MAP2K5: variants seen among roughly 807,000 people sequenced by gnomAD.
The protein encoded by MAP2K5 is mitogen-activated protein kinase kinase 5.
MAP2K5 carries 49 observed loss-of-function variants against 83.1 expected under a neutral mutation model. The observed-to-expected ratio is 0.59, with a 90% confidence interval of 0.47 to 0.75. MAP2K5 has a LOEUF of 0.75. Ranked by LOEUF, MAP2K5 falls within the 30% of genes least tolerant of loss-of-function variation. The pLI, the probability that MAP2K5 is intolerant of heterozygous loss-of-function variation, is 0.00. For synonymous variants in MAP2K5, 202 were observed against 191.8 expected, an observed-to-expected ratio of 1.05 and a Z score of -0.44; for missense variants, 457 against 557.5, an observed-to-expected ratio of 0.82 and a Z score of 1.82.
At chr15:67,799,276 C>T (rs2090660750) in intron 21 of MAP2K5, among the ~76,000 whole-genome samples, 1 of 152,278 alleles carries the variant, frequency 6.6e-6, no homozygotes, top group Non-Finnish European at 1.5e-5. Flanking sequence ...CCCAGGTATG[C>T]TCGCTATGTG....
chr15:67,614,180 C>G (rs753875781), intron 8 of MAP2K5, among the ~76,000 whole-genome samples: 1 of 152,128 alleles, frequency 6.6e-6, no homozygotes, highest in African/African-American at 2.4e-5. Flanking sequence ...AATCGTGAAG[C>G]ATTCAGTAAC....
At chr15:67,771,999 A>G (rs952070851) in intron 20 of MAP2K5, among the ~76,000 whole-genome samples, 2 of 152,212 alleles carry the variant, frequency 1.3e-5, no homozygotes, top group African/African-American at 2.4e-5. Flanking sequence ...ATAGCTAAGT[A>G]CATGTTACAG....
At chr15:67,706,419 C>T (rs559176268) in intron 16 of MAP2K5, among the ~76,000 whole-genome samples, 6 of 152,206 alleles carry the variant, frequency 3.9e-5, no homozygotes, top group Admixed American at 2.6e-4. Flanking sequence ...GTGTGGGACA[C>T]CTGAATGCTG....
intron 6 of MAP2K5, among the ~76,000 whole-genome samples, chr15:67,590,539 G>A (rs969877401): frequency 1.4e-5 from 2 of 148,110 alleles, no homozygotes; most frequent in African/African-American, 5.0e-5. Flanking sequence ...GCACAATTAC[G>A]GGTCACCACA....
chr15:67,589,178 T>G (rs1222004690), intron 6 of MAP2K5, among the ~76,000 whole-genome samples: 3 of 152,078 alleles, frequency 2.0e-5, no homozygotes, highest in African/African-American at 7.2e-5. Context: ...TTGGATAGCT[T>G]AGGTCACCGT....
chr15:67,684,643 C>T (rs1057008844), intron 13 of MAP2K5, among the ~76,000 whole-genome samples: 1 of 152,052 alleles, frequency 6.6e-6, no homozygotes, highest in African/African-American at 2.4e-5. Context: ...TGCCCCCCTC[C>T]CACACACACA....
chr15:67,685,589 G>C (rs925791052), intron 13 of MAP2K5, among the ~76,000 whole-genome samples: 1 of 152,050 alleles, frequency 6.6e-6, no homozygotes, highest in Non-Finnish European at 1.5e-5. Flanking sequence ...GAAAAATAAA[G>C]ACATTATATT....
chr15:67,663,266 A>G (rs1386404080), intron 12 of MAP2K5, among the ~76,000 whole-genome samples: 1 of 152,188 alleles, frequency 6.6e-6, no homozygotes, highest in Non-Finnish European at 1.5e-5. Context: ...CAATTGTCCA[A>G]TAATACCCTG....
chr15:67,714,426 A>G, intron 16 of MAP2K5, among the ~76,000 whole-genome samples: 1 of 82,536 alleles, frequency 1.2e-5, no homozygotes, highest in Non-Finnish European at 2.2e-5. Flanking sequence ...AAAAAAAAAA[A>G]AAAAAAAAAA....
At chr15:67,590,803 A>G (rs1455116460) in intron 6 of MAP2K5, among the ~76,000 whole-genome samples, 1 of 152,114 alleles carries the variant, frequency 6.6e-6, no homozygotes, top group Non-Finnish European at 1.5e-5. Flanking sequence ...CTGCATTACT[A>G]CTACTGCCAC....
intron 8 of MAP2K5, among the ~76,000 whole-genome samples, chr15:67,606,960 G>T (rs1408047475): frequency 2.0e-5 from 3 of 152,190 alleles, no homozygotes; most frequent in Non-Finnish European, 4.4e-5. Flanking sequence ...ACCTGAAGGT[G>T]TGAAACTTAA....
chr15:67,757,644 C>T lies in MAP2K5; in HGVS notation c.1134+9043C>T, dbSNP rs2089866081. Among the ~76,000 whole-genome samples the T allele has an allele frequency of 6.6e-6, 1 of 152,142 alleles. No homozygotes were observed. The highest frequency in any genetic ancestry group is 2.1e-4 in the South Asian group (1 of 4,806). On this transcript the variant is annotated intron_variant, in intron 19 of 21. Coordinates refer to ENST00000178640, the MANE Select transcript of MAP2K5 (RefSeq NM_145160.3). This position sits in a 1 kb window ranked among gnomAD's most constrained non-coding sequence, Gnocchi z 4.9. Reference sequence around the variant, plus strand: ...ACCATTAAAGAGCAGCTACCCTAGTCAGGGAGGCAGACAAGTAAACAGTCA... The same window carrying T: ...ACCATTAAAGAGCAGCTACCCTAGTTAGGGAGGCAGACAAGTAAACAGTCA...
intron 17 of MAP2K5, among the ~76,000 whole-genome samples, chr15:67,741,052 A>C (rs2089480986): frequency 6.7e-6 from 1 of 150,282 alleles, no homozygotes; most frequent in Admixed American, 6.6e-5. Flanking sequence ...AAAAAAAGTG[A>C]ATGCACTTTT....
intron 8 of MAP2K5, among the ~76,000 whole-genome samples, chr15:67,611,372 G>A (rs894088466): frequency 3.3e-5 from 5 of 152,240 alleles, no homozygotes; most frequent in East Asian, 1.9e-4. Context: ...TTCTTTTGGA[G>A]GTAATTCTTA....
chr15:67,688,860 T>C (rs1177303124), intron 13 of MAP2K5, among the ~76,000 whole-genome samples: 2 of 152,170 alleles, frequency 1.3e-5, no homozygotes, highest in African/African-American at 4.8e-5. Flanking sequence ...CCCAGATTCA[T>C]TGACTTTGTT....
intron 21 of MAP2K5, among the ~76,000 whole-genome samples, chr15:67,803,161 T>A (rs2090736708): frequency 1.3e-5 from 2 of 152,234 alleles, no homozygotes. Context: ...CAGCACTCCT[T>A]GTCCAAGTCA....
Position 67,646,234 on chromosome 15 carries a change from A to G in MAP2K5, c.589A>G (p.Ile197Val). The G allele has an allele frequency of 7.8e-7, 1 of 1,274,202 alleles. No individual in the cohort carries two copies. The highest frequency in any genetic ancestry group is 1.4e-5 in the South Asian group (1 of 73,284). The allele number at this position is 1,274,202 out of a possible 1,614,324, so 78.9% of individuals were successfully genotyped here. The change falls in exon 10 of 22, where the codon ATA becomes GTA. Residue 197 changes from isoleucine (I) to valine (V), a missense_variant. Around this residue, in one of 3 missense-constraint regions of MAP2K5, gnomAD observed 234 missense variants for 243.6 expected, o/e 0.96. Transcript: ENST00000178640. ...ATTAATACCTTTCTATATTTAGGTC[A>G]TACTACTAGATATTACACTGGAACT... ...PSGKILAVKV[I>V]LLDITLELQK...
Position 67,749,444 on chromosome 15 carries a change from G to C in MAP2K5, c.1134+843G>C, listed in dbSNP as rs2089673192. Among the ~76,000 whole-genome samples the C allele has an allele frequency of 6.6e-6, 1 of 152,086 alleles. No homozygotes were observed. Among genetic ancestry groups the C allele is most frequent in the African/African-American group, 2.4e-5 (1 of 41,402 alleles). On this transcript the variant is annotated intron_variant, in intron 19 of 21. Coordinates refer to ENST00000178640, the MANE Select transcript of MAP2K5 (RefSeq NM_145160.3). The surrounding 1 kb of genome is among the most constrained non-coding windows in gnomAD (Gnocchi z 4.6). The stretch of plus-strand genomic sequence containing the variant: ...AATATTTAAAACAGTTGTAATTAGA[G>C]AGGGAAGGCAGTAAATGATTCAGAT...
At position 67,757,689 on chromosome 15, in the gene MAP2K5, T is replaced by C. The variant is rs1235054058; in HGVS notation, c.1134+9088T>C. ...CAGTCATATATGCAGATCACTAAAC[T>C]GCAGGTAATGTAAGTGATACGAGAC... On this transcript the variant is annotated intron_variant, in intron 19 of 21. Coordinates refer to ENST00000178640, the MANE Select transcript of MAP2K5 (RefSeq NM_145160.3). The surrounding 1 kb of genome is among the most constrained non-coding windows in gnomAD (Gnocchi z 4.9). Among the ~76,000 whole-genome samples, 1 of 151,908 alleles carries C rather than the reference T, an allele frequency of 6.6e-6. No individual in the cohort carries two copies. Among genetic ancestry groups the C allele is most frequent in the Non-Finnish European group, 1.5e-5 (1 of 67,982 alleles).
Sources: allele counts gnomAD v4.1 joint callset (sites outside exome capture counted in the v4.1 genomes callset), GRCh38; gene constraint gnomAD v4.1.1; regional missense constraint gnomAD v4.1.1; non-coding constraint Gnocchi (gnomAD v3.1); transcripts MANE v1.5; gene names NCBI Gene and HGNC (gene_info 2026-07-23, HGNC 2026-07-21).